Variants in IL1RAPL1 observed in about 807,000 individuals in gnomAD.
IL1RAPL1 encodes interleukin-1 receptor accessory protein-like 1.
Under a neutral mutation model 48.4 loss-of-function variants are expected in IL1RAPL1, and 3 were observed. The observed-to-expected ratio is 0.06, with a 90% CI of 0.03 to 0.16. IL1RAPL1 has a LOEUF of 0.16. Among genes scored for constraint, IL1RAPL1 ranks in the 10% least tolerant of loss-of-function variants. The pLI is 1.00. For missense variants in IL1RAPL1, 349 were observed against 530.6 expected, an observed-to-expected ratio of 0.66 and a Z score of 3.36; for synonymous variants, 185 against 187.7, an observed-to-expected ratio of 0.99 and a Z score of 0.12.
At chrX:28,732,972 A>G (rs913805881) in intron 1 of IL1RAPL1, among the ~76,000 whole-genome samples, 43 of 111,456 alleles carry the variant, frequency 3.9e-4, no homozygotes, top group African/African-American at 1.4e-3. Context: ...TCCTAGCTCT[A>G]TGATTTTCTA....
intron 2 of IL1RAPL1, among the ~76,000 whole-genome samples, chrX:28,831,584 A>G (rs1921057652): frequency 9.0e-6 from 1 of 110,599 alleles, no homozygotes; most frequent in Non-Finnish European, 1.9e-5. Context: ...CAAGGCTAAT[A>G]CAGACTTGGG....
intron 1 of IL1RAPL1, among the ~76,000 whole-genome samples, chrX:28,655,839 A>C (rs892317027): frequency 8.9e-6 from 1 of 111,911 alleles, no homozygotes; most frequent in African/African-American, 3.2e-5. Flanking sequence ...GAATTTTAAA[A>C]TTACGTGAAT....
chrX:28,967,744 T>C (rs1924955843), intron 2 of IL1RAPL1, among the ~76,000 whole-genome samples: 1 of 112,082 alleles, frequency 8.9e-6, no homozygotes, highest in African/African-American at 3.2e-5. Context: ...CAATTGAGAG[T>C]GTTACAGTGC....
chrX:28,950,565 C>G (rs1162731367), intron 2 of IL1RAPL1, among the ~76,000 whole-genome samples: 47 of 98,871 alleles, frequency 4.8e-4, no homozygotes, highest in African/African-American at 1.4e-3. Flanking sequence ...ATTCTTCCTA[C>G]CCATGAGCAT....
intron 2 of IL1RAPL1, among the ~76,000 whole-genome samples, chrX:28,932,126 A>G (rs1923900398): frequency 9.0e-6 from 1 of 111,363 alleles, no homozygotes; most frequent in African/African-American, 3.3e-5. Flanking sequence ...AACTAGATGG[A>G]AACTTCCTTA....
intron 2 of IL1RAPL1, among the ~76,000 whole-genome samples, chrX:29,031,725 C>T (rs931974978): frequency 4.5e-5 from 5 of 111,153 alleles, no homozygotes; most frequent in African/African-American, 1.6e-4. Context: ...AAGATGATTT[C>T]TATAGTGGGA....
intron 2 of IL1RAPL1, among the ~76,000 whole-genome samples, chrX:28,917,176 A>C (rs192206993): frequency 1.6e-4 from 18 of 112,179 alleles, no homozygotes; most frequent in African/African-American, 5.5e-4. Context: ...ATGGATTATT[A>C]GTGACATGTG....
At chrX:29,352,172 C>A (rs2147653444) in intron 3 of IL1RAPL1, among the ~76,000 whole-genome samples, 1 of 111,740 alleles carries the variant, frequency 8.9e-6, no homozygotes, top group African/African-American at 3.2e-5. Flanking sequence ...CTCCAATATT[C>A]ATAGTTTCAC....
intron 6 of IL1RAPL1, among the ~76,000 whole-genome samples, chrX:29,760,811 TATG>T (rs1415698728): frequency 1.8e-5 from 2 of 112,112 alleles, no homozygotes; most frequent in Non-Finnish European, 3.8e-5. Context: ...ACCAAGGTGT[TATG>T]ATGATACTAA....
intron 5 of IL1RAPL1, among the ~76,000 whole-genome samples, chrX:29,623,994 T>C (rs1266580619): frequency 8.9e-6 from 1 of 112,016 alleles, no homozygotes; most frequent in Non-Finnish European, 1.9e-5. Flanking sequence ...AACTGGCATG[T>C]AAGTCAGGTT....
At chrX:29,452,054 G>A (rs190247263) in intron 5 of IL1RAPL1, among the ~76,000 whole-genome samples, 16 of 111,259 alleles carry the variant, frequency 1.4e-4, no homozygotes, top group African/African-American at 3.3e-4. Context: ...AATAAGAAAC[G>A]TCAAGTAAGT....
intron 1 of IL1RAPL1, among the ~76,000 whole-genome samples, chrX:28,782,496 A>G (rs1936433607): frequency 8.9e-6 from 1 of 111,908 alleles, no homozygotes; most frequent in Admixed American, 9.5e-5. Flanking sequence ...ATTTACAGTC[A>G]CTGCCTAGGA....
At chrX:29,699,141 C>T (rs1196262749) in intron 6 of IL1RAPL1, among the ~76,000 whole-genome samples, 3 of 112,503 alleles carry the variant, frequency 2.7e-5, no homozygotes, top group Non-Finnish European at 3.8e-5. Context: ...AAAGGATTTA[C>T]AATGAAAAGT....
intron 2 of IL1RAPL1, among the ~76,000 whole-genome samples, chrX:29,009,617 G>A (rs1230434455): frequency 8.9e-6 from 1 of 111,862 alleles, no homozygotes; most frequent in Non-Finnish European, 1.9e-5. Context: ...TGGTCTGTGT[G>A]TCTCTTTTTG....
intron 2 of IL1RAPL1, among the ~76,000 whole-genome samples, chrX:29,204,588 G>T (rs760904065): frequency 4.5e-5 from 5 of 111,234 alleles, no homozygotes; most frequent in Non-Finnish European, 7.5e-5. Context: ...GTTCCTATAC[G>T]CTCTTTGTCA....
intron 3 of IL1RAPL1, among the ~76,000 whole-genome samples, chrX:29,287,811 T>G (rs1191916780): frequency 8.9e-6 from 1 of 112,197 alleles, no homozygotes; most frequent in African/African-American, 3.2e-5. Flanking sequence ...TAATTCTTTT[T>G]GGAGATGTAG....
chrX:28,831,888 A>T (rs1448793452), intron 2 of IL1RAPL1, among the ~76,000 whole-genome samples: 3 of 111,383 alleles, frequency 2.7e-5, no homozygotes, highest in African/African-American at 6.5e-5. Context: ...TTAACTTTTT[A>T]AAAAAGCTAT....
At chrX:28,744,907 A>G (rs1569163537) in intron 1 of IL1RAPL1, among the ~76,000 whole-genome samples, 2 of 111,055 alleles carry the variant, frequency 1.8e-5, no homozygotes, top group Non-Finnish European at 3.8e-5. Context: ...GTATAAGCGC[A>G]AGGAGACTTA....
At chrX:29,695,523 T>C (rs1926883948) in intron 6 of IL1RAPL1, among the ~76,000 whole-genome samples, 1 of 110,089 alleles carries the variant, frequency 9.1e-6, no homozygotes, top group Admixed American at 9.7e-5. Context: ...GATGTCAGCA[T>C]GATCTGTTTC....
Sources: allele counts gnomAD v4.1 joint callset (sites outside exome capture counted in the v4.1 genomes callset), GRCh38; gene constraint gnomAD v4.1.1; transcripts MANE v1.5; gene names NCBI Gene and HGNC (gene_info 2026-07-23, HGNC 2026-07-21).